DSC2: variants seen among roughly 807,000 people sequenced by gnomAD.
DSC2 encodes the protein desmocollin-2.
Under a neutral mutation model 87.6 loss-of-function variants are expected in DSC2, and 51 were observed. The ratio of observed to expected loss-of-function variants is 0.58; its 90% CI spans 0.46 to 0.74. The LOEUF is 0.74. Ranked by LOEUF, DSC2 falls within the 30% of genes least tolerant of loss-of-function variation. DSC2 has a pLI of 0.00. For synonymous variants in DSC2, 383 were observed against 393.2 expected, an observed-to-expected ratio of 0.97 and a Z score of 0.31; for missense variants, 1,066 against 1,089.5, an observed-to-expected ratio of 0.98 and a Z score of 0.30.
At position 31,068,966 on chromosome 18, in the gene DSC2, T is replaced by C. The variant is rs754081349; in HGVS notation, c.2436A>G (p.Gly812=). 1.9e-6 allele frequency: 3 copies of C among 1,614,070 alleles called. No homozygotes were observed. Among genetic ancestry groups the C allele is most frequent in the Non-Finnish European group, 2.5e-6 (3 of 1,180,006 alleles). The part of the protein sequence containing the change: ...HHHTLDSCRG[G]HTEVDNCRYT... ...ATCTGCAGTTGTCCACCTCCGTGTGTCCTCCCCTGCAGGAGTCCAGGGTGT... is the reference window on the plus strand; with the variant it reads ...ATCTGCAGTTGTCCACCTCCGTGTGCCCTCCCCTGCAGGAGTCCAGGGTGT... The change falls in exon 15 of 16, where the codon GGA becomes GGG. Residue 812 remains glycine, a synonymous_variant. Coordinates refer to ENST00000280904, the MANE Select transcript of DSC2 (RefSeq NM_024422.6).
rs972708584 is a variant in DSC2 at position 31,066,774 on chromosome 18, A to G, written c.*1241T>C. The stretch of plus-strand genomic sequence containing the variant: ...ATTGTAATCTTAAAATATTAAAAAA[A>G]TAACTTTACAAACACACAGATATGA... On this transcript the variant is annotated 3_prime_UTR_variant, in exon 16 of 16. Transcript: ENST00000280904. 1 of 152,180 alleles carries G rather than the reference A, an allele frequency of 6.6e-6. No homozygotes were observed. The highest frequency in any genetic ancestry group is 1.5e-5 in the Non-Finnish European group (1 of 68,012). The allele number at this position is 152,180 out of a possible 1,614,324, so 9.4% of individuals were successfully genotyped here.
Position 31,074,804 on chromosome 18 carries a change from C to T in DSC2, c.1767G>A (p.Met589Ile), listed in dbSNP as rs2144800002. ...KKTVIICKPT[M>I]SSAEIVAVDP... ...CAACCGCAACAATCTCCGCAGATGA[C>T]ATGGTGGGTTTGCAGATGATCACTG... Residue 589 changes from methionine (M) to isoleucine (I), a missense_variant, in exon 12 of 16, where the codon ATG becomes ATA. Physicochemically the swap from Met to Ile is conservative, Grantham distance 10. Coordinates refer to ENST00000280904, the MANE Select transcript of DSC2 (RefSeq NM_024422.6). 1.2e-6 allele frequency: 2 copies of T among 1,614,044 alleles called. No individual in the cohort carries two copies. The highest frequency in any genetic ancestry group is 1.7e-6 in the Non-Finnish European group (2 of 1,180,004).
At chr18:31,101,537 G>C in intron 1 of DSC2, 1 of 233,638 alleles carries the variant, frequency 4.3e-6, no homozygotes, top group Non-Finnish European at 8.2e-6. Flanking sequence ...CTCCCGCCCC[G>C]GCGCACTCCC....
rs200218585 is a variant in DSC2, at chr18:31,091,105, C to T, written c.397G>A (p.Ala133Thr). Residue 133 changes from alanine to threonine, a missense_variant, in exon 4 of 16, where the codon GCC (alanine) becomes ACC (threonine). Ala to Thr is a moderately conservative substitution (Grantham distance 58). Transcript: ENST00000280904. ...GGAATTGGAGCCCATCTTCTCTTGG[C>T]GCGCCTTAGAACTTTTTCTTTAGTA... ...RHTKEKVLRR[A>T]KRRWAPIPCS... 107 of 1,613,958 alleles carry T rather than the reference C, an allele frequency of 6.6e-5. 1 individual carries two copies. Among genetic ancestry groups the T allele is most frequent in the Middle Eastern group, 6.6e-4 (4 of 6,062 alleles).
At chr18:31,070,321 T>C (rs1178363278) in intron 14 of DSC2, among the ~76,000 whole-genome samples, 2 of 152,220 alleles carry the variant, frequency 1.3e-5, no homozygotes, top group Non-Finnish European at 2.9e-5. Flanking sequence ...ATTAAAGTTC[T>C]TCCCACGATG....
At chr18:31,084,234 G>T (rs1480051563) in intron 7 of DSC2, among the ~76,000 whole-genome samples, 1 of 151,950 alleles carries the variant, frequency 6.6e-6, no homozygotes, top group East Asian at 1.9e-4. Flanking sequence ...TAATTTTCCA[G>T]ATTTACTCCT....
chr18:31,075,907 C>A (rs67808411), intron 11 of DSC2, among the ~76,000 whole-genome samples: 1 of 151,808 alleles, frequency 6.6e-6, no homozygotes, highest in Non-Finnish European at 1.5e-5. Context: ...TACAGGATGA[C>A]GACTTTATAT....
intron 11 of DSC2, 26 bp from the exon 12 acceptor site, chr18:31,074,933 T>TCATCCGCCAACTAATA: frequency 6.3e-7 from 1 of 1,581,270 alleles, no homozygotes; most frequent in Non-Finnish European, 8.6e-7. Flanking sequence ...TAAAAATAGT[T>TCATCCGCCAACTAATA]TTTCTATGTT....
intron 4 of DSC2, among the ~76,000 whole-genome samples, chr18:31,090,093 G>A (rs1248000042): frequency 6.6e-6 from 1 of 151,990 alleles, no homozygotes; most frequent in Non-Finnish European, 1.5e-5. Flanking sequence ...AAAAAAATAT[G>A]AGTGAGAATA....
rs1312909126 is a variant in DSC2 at position 31,068,176 on chromosome 18, G to A, written c.2545C>T (p.His849Tyr). Residue 849 changes from histidine (H) to tyrosine (Y), a missense_variant, in exon 16 of 16, where the codon CAT becomes TAT. By Grantham distance (83) the His-to-Tyr change is moderately conservative. Transcript: ENST00000280904. ...TATGTCAGGACATAGTCTTGGGCAT[G>A]CTTGTGATTTTCATCTTGATTACAC... The part of the protein sequence containing the change: ...YLCNQDENHK[H>Y]AQDYVLTYNY... The A allele has an allele frequency of 6.2e-7, 1 of 1,613,944 alleles. No individual in the cohort carries two copies. The highest frequency in any genetic ancestry group is 8.5e-7 in the Non-Finnish European group (1 of 1,179,992).
At chr18:31,092,051 T>C (rs780909738) in intron 3 of DSC2, 50 bp downstream of exon 3, 3 of 1,550,214 alleles carry the variant, frequency 1.9e-6, no homozygotes, top group Non-Finnish European at 2.7e-6. Context: ...GTAATGTTGA[T>C]TACGTCTGAA....
intron 12 of DSC2, 41 bp downstream of exon 12, chr18:31,074,642 C>T (rs1986948786): frequency 6.4e-7 from 1 of 1,569,158 alleles, no homozygotes; most frequent in South Asian, 1.1e-5. Context: ...CGCAGACATC[C>T]TGATGTTGAA....
At chr18:31,099,626 AT>A (rs1225637257) in intron 1 of DSC2, among the ~76,000 whole-genome samples, 1 of 152,140 alleles carries the variant, frequency 6.6e-6, no homozygotes, top group Non-Finnish European at 1.5e-5. Context: ...AATGTCAAGA[AT>A]AAGGGCAAAA....
chr18:31,091,121 T>G lies in DSC2; in HGVS notation c.381A>C (p.Glu127Asp). ...TTCTCTTGGCGCGCCTTAGAACTTT[T>G]TCTTTAGTATGTCTTTTCTTTAGGA... ...TKVLKKRHTK[E>D]KVLRRAKRRW... Residue 127 changes from glutamate (E) to aspartate (D), a missense_variant, in exon 4 of 16, where the codon GAA becomes GAC. Physicochemically the swap from Glu to Asp is conservative, Grantham distance 45. Coordinates refer to ENST00000280904, the MANE Select transcript of DSC2 (RefSeq NM_024422.6). 6.2e-7 allele frequency: 1 copy of G among 1,614,000 alleles called. No individual in the cohort carries two copies.
At chr18:31,086,884 C>A (rs1352214275) in intron 6 of DSC2, 142 bp from the exon 7 acceptor site, 1 of 828,154 alleles carries the variant, frequency 1.2e-6, no homozygotes, top group Non-Finnish European at 1.9e-6. Flanking sequence ...AATTTGCAGA[C>A]CTCTCCATAC....
At chr18:31,091,397 T>C in intron 3 of DSC2, 1 of 587,890 alleles carries the variant, frequency 1.7e-6, no homozygotes, top group Non-Finnish European at 3.1e-6. Context: ...GAGATGGAAC[T>C]GGAAGCCTAG....
At chr18:31,074,979 T>A in intron 11 of DSC2, 72 bp from the exon 12 acceptor site, 1 of 1,438,136 alleles carries the variant, frequency 7.0e-7, no homozygotes, top group Non-Finnish European at 9.6e-7. Flanking sequence ...ACTGAACACA[T>A]TGAAAAATAT....
Position 31,061,708 on chromosome 18 carries a change from T to C in DSC2, c.*6307A>G, listed in dbSNP as rs894339348. 2 of 152,204 alleles carry C rather than the reference T, an allele frequency of 1.3e-5. No homozygotes were observed. The highest frequency in any genetic ancestry group is 6.6e-5 in the Admixed American group (1 of 15,256). 9.4% of individuals were successfully genotyped at this position (152,204 alleles called of 1,614,324 possible). On this transcript the variant is annotated 3_prime_UTR_variant, in exon 16 of 16. Coordinates refer to ENST00000280904, the MANE Select transcript of DSC2 (RefSeq NM_024422.6). Reference sequence around the variant, plus strand: ...TCTATATTGCATGTCTTATTTGAAATATCTAAAGTTTAAAATGCAGCCTCA... The same window carrying C: ...TCTATATTGCATGTCTTATTTGAAACATCTAAAGTTTAAAATGCAGCCTCA...
Position 31,067,977 on chromosome 18 carries a change from A to G in DSC2, c.*38T>C, listed in dbSNP as rs1191844546. ...TGGTTTGTAATTTTTTTTAAAAGTC[A>G]TAAAGCCACTGGCTTTCAGAGACTT... On this transcript the variant is annotated 3_prime_UTR_variant, in exon 16 of 16. Coordinates refer to ENST00000280904, the MANE Select transcript of DSC2 (RefSeq NM_024422.6). The G allele has an allele frequency of 6.3e-7, 1 of 1,599,946 alleles. No homozygotes were observed. Among genetic ancestry groups the G allele is most frequent in the African/African-American group, 1.3e-5 (1 of 74,698 alleles).
Sources: allele counts gnomAD v4.1 joint callset (sites outside exome capture counted in the v4.1 genomes callset), GRCh38; gene constraint gnomAD v4.1.1; transcripts MANE v1.5; gene names NCBI Gene and HGNC (gene_info 2026-07-23, HGNC 2026-07-21).